The following SDCCAG8 variants were observed in gnomAD, a reference collection of about 807,000 sequenced individuals.
SDCCAG8 encodes SHH signaling and ciliogenesis regulator SDCCAG8.
Under a neutral mutation model 101.8 loss-of-function variants are expected in SDCCAG8, and 74 were observed. The observed-to-expected ratio is 0.73, with a 90% CI of 0.60 to 0.88. The LOEUF is 0.88. SDCCAG8 is among the 40% of genes least tolerant of loss of function. SDCCAG8 has a pLI of 0.00. For synonymous variants in SDCCAG8, 281 were observed against 292.9 expected (o/e 0.96, Z 0.41); for missense variants, 787 against 822.6 (o/e 0.96, Z 0.53).
At chr1:243,353,364 G>T (rs1291348688) in intron 12 of SDCCAG8, among the ~76,000 whole-genome samples, 1 of 151,226 alleles carries the variant, frequency 6.6e-6, no homozygotes, top group Non-Finnish European at 1.5e-5. Flanking sequence ...GGTGGCGCGC[G>T]CCTGTAATCC....
Position 243,330,551 on chromosome 1 carries a change from G to A in SDCCAG8, c.1080G>A (p.Gln360=), listed in dbSNP as rs763652288. 1 of 1,614,038 alleles carries A rather than the reference G, an allele frequency of 6.2e-7. No individual in the cohort carries two copies. Among genetic ancestry groups the A allele is most frequent in the Non-Finnish European group, 8.5e-7 (1 of 1,179,988 alleles). The part of the protein sequence containing the change: ...ANFEKTKALI[Q]CDQLRKELER... ...TTCTATCCTGGCAGGCTTTAATCCA[G>A]TGTGACCAGTTGAGGAAGGAGCTGG... Residue 360 remains glutamine (Q), a synonymous_variant, in exon 10 of 18, where the codon CAG becomes CAA. Transcript: ENST00000366541.
intron 15 of SDCCAG8, among the ~76,000 whole-genome samples, chr1:243,425,577 G>C (rs980656215): frequency 6.6e-6 from 1 of 152,072 alleles, no homozygotes; most frequent in Non-Finnish European, 1.5e-5. Context: ...ACCTGAAAAC[G>C]ACTCATAATA....
intron 16 of SDCCAG8, among the ~76,000 whole-genome samples, chr1:243,445,650 C>T (rs959393885): frequency 3.9e-5 from 6 of 152,096 alleles, no homozygotes; most frequent in Admixed American, 3.9e-4. Flanking sequence ...CCTGGATAAA[C>T]AACACCCAAA....
At chr1:243,434,255 T>G (rs1310201236) in intron 16 of SDCCAG8, among the ~76,000 whole-genome samples, 1 of 152,260 alleles carries the variant, frequency 6.6e-6, no homozygotes, top group Non-Finnish European at 1.5e-5. Flanking sequence ...TTATCTCTTT[T>G]GCTAAAGCAG....
In SDCCAG8 at chr1:243,306,084, TA is replaced by T. The variant is rs67568926; in HGVS notation, c.740+1330del. On this transcript the variant is annotated intron_variant, in intron 7 of 17. Coordinates refer to ENST00000366541, the MANE Select transcript of SDCCAG8 (RefSeq NM_006642.5). ...CTGGGTGACAGAGGGAGACTCCATC[TA>T]AAAAAAAAAAAAAAAAAAAAAACCG... 387 of 108,244 alleles carry T rather than the reference TA, an allele frequency of 3.6e-3. 3 individuals are homozygous for T. Among genetic ancestry groups the T allele is most frequent in the African/African-American group, 0.012 (316 of 27,416 alleles). 6.7% of individuals were successfully genotyped at this position (108,244 alleles called of 1,614,324 possible). A position where few individuals can be genotyped will look rare whatever the true frequency, so the allele number is the denominator to read the frequency against.
chr1:243,306,116 G>A (rs918351728), intron 7 of SDCCAG8: 1 of 150,478 alleles, frequency 6.6e-6, no homozygotes, highest in Non-Finnish European at 1.5e-5. Flanking sequence ...AACCGAGCTG[G>A]AACTCATAGC....
Position 243,456,904 on chromosome 1 carries a change from T to G in SDCCAG8, c.1985+30346T>G, listed in dbSNP as rs115640411. Among the ~76,000 whole-genome samples the G allele has an allele frequency of 4.6e-3, 696 of 152,348 alleles. 7 individuals carry two copies. The highest frequency in any genetic ancestry group is 0.016 in the African/African-American group (665 of 41,576). On this transcript the variant is annotated intron_variant, in intron 16 of 17. Coordinates refer to ENST00000366541, the MANE Select transcript of SDCCAG8 (RefSeq NM_006642.5). The stretch of plus-strand genomic sequence containing the variant: ...AATGTTAAATACAGGCATCACACTT[T>G]TAAAGAACATTTGTTTTTAAGGGTC...
chr1:243,324,390 C>A (rs747286734), intron 9 of SDCCAG8, among the ~76,000 whole-genome samples: 23 of 150,252 alleles, frequency 1.5e-4, no homozygotes, highest in Non-Finnish European at 3.0e-4. Context: ...AGTCAAATTT[C>A]TATTTAACTA....
At chr1:243,290,998 G>A (rs989503361) in intron 5 of SDCCAG8, among the ~76,000 whole-genome samples, 1 of 152,114 alleles carries the variant, frequency 6.6e-6, no homozygotes, top group Non-Finnish European at 1.5e-5. Context: ...AACACCATAG[G>A]TGTTACACAA....
Position 243,308,074 on chromosome 1 carries a change from T to C in SDCCAG8, c.826T>C (p.Cys276Arg). Residue 276 changes from cysteine (C) to arginine (R), a missense_variant, in exon 8 of 18, where the codon TGT (cysteine) becomes CGT (arginine). Physicochemically the swap from Cys to Arg is radical, Grantham distance 180 (BLOSUM62 -3). Coordinates refer to ENST00000366541, the MANE Select transcript of SDCCAG8 (RefSeq NM_006642.5). ...HKEFLLAANT[C>R]NRVGGLCLKC... ...AGAATTTCTTCTGGCTGCTAATACT[T>C]GTAACCGTGTTGGTGGTCTTTGTTT... 6.2e-7 allele frequency: 1 copy of C among 1,614,216 alleles called. No homozygotes were observed. The highest frequency in any genetic ancestry group is 8.5e-7 in the Non-Finnish European group (1 of 1,180,030).
chr1:243,274,395 T>C, intron 3 of SDCCAG8, 148 bp from the exon 4 acceptor site: 1 of 562,998 alleles, frequency 1.8e-6, no homozygotes, highest in Non-Finnish European at 3.2e-6. Context: ...ATAAGCTACA[T>C]TGTGATCGAT....
chr1:243,420,773 C>G (rs2080945071), intron 15 of SDCCAG8, among the ~76,000 whole-genome samples: 1 of 152,132 alleles, frequency 6.6e-6, no homozygotes, highest in South Asian at 2.1e-4. Flanking sequence ...TCTTTTAGTT[C>G]CAGTTTCATT....
chr1:243,493,222 G>A (rs1667005984), intron 17 of SDCCAG8, among the ~76,000 whole-genome samples: 2 of 149,362 alleles, frequency 1.3e-5, no homozygotes, highest in African/African-American at 2.5e-5. Context: ...AACCTTGGTG[G>A]TGGGGGTGGG....
At chr1:243,288,485 A>G (rs1295827986) in intron 5 of SDCCAG8, among the ~76,000 whole-genome samples, 1 of 152,020 alleles carries the variant, frequency 6.6e-6, no homozygotes, top group Admixed American at 6.6e-5. Flanking sequence ...AAGACAAACA[A>G]AAAACCAGAC....
At chr1:243,389,203 C>T (rs2078541728) in intron 13 of SDCCAG8, among the ~76,000 whole-genome samples, 1 of 145,924 alleles carries the variant, frequency 6.9e-6, no homozygotes, top group Non-Finnish European at 1.5e-5. Flanking sequence ...GATTTTTCCT[C>T]TAAGAAATGG....
intron 3 of SDCCAG8, among the ~76,000 whole-genome samples, chr1:243,273,591 C>T (rs958529811): frequency 5.3e-5 from 8 of 152,140 alleles, no homozygotes; most frequent in African/African-American, 1.9e-4. Context: ...GCCTTCAATA[C>T]TAGAGCCAAA....
At chr1:243,336,828 G>A (rs1331112878) in intron 10 of SDCCAG8, among the ~76,000 whole-genome samples, 2 of 152,054 alleles carry the variant, frequency 1.3e-5, no homozygotes, top group African/African-American at 4.8e-5. Context: ...CATGTCTTTT[G>A]TTCATTTTTT....
At chr1:243,399,275 G>A (rs912157417) in intron 13 of SDCCAG8, among the ~76,000 whole-genome samples, 1 of 152,038 alleles carries the variant, frequency 6.6e-6, no homozygotes, top group African/African-American at 2.4e-5. Flanking sequence ...TGCTCTTCCT[G>A]CATCCCACAT....
At chr1:243,420,188 GC>G (rs1558442560) in intron 15 of SDCCAG8, among the ~76,000 whole-genome samples, 3 of 152,294 alleles carry the variant, frequency 2.0e-5, no homozygotes, top group African/African-American at 7.2e-5. Flanking sequence ...CCCACTTGGA[GC>G]TTTGTAACCT....
Sources: gnomAD v4.1 joint callset for allele counts (sites outside exome capture counted in the v4.1 genomes callset) on GRCh38, gnomAD v4.1.1 for gene constraint, MANE v1.5 for transcripts, NCBI Gene and HGNC (gene_info 2026-07-23, HGNC 2026-07-21) for gene names.